SNTB1: variants seen among roughly 807,000 people sequenced by gnomAD.
The protein encoded by SNTB1 is syntrophin beta 1, also known as beta-1-syntrophin.
Under a neutral mutation model 48.9 loss-of-function variants are expected in SNTB1, and 36 were observed. The observed-to-expected ratio is 0.74, with a 90% CI of 0.56 to 0.97. The LOEUF (loss-of-function observed/expected upper bound fraction) is 0.97. Ranked by LOEUF, SNTB1 falls within the 50% of genes least tolerant of loss-of-function variation. The pLI is 0.00. For missense variants in SNTB1, 786 were observed against 703.4 expected, an observed-to-expected ratio of 1.12 and a Z score of -1.33; for synonymous variants, 299 against 294.6, an observed-to-expected ratio of 1.01 and a Z score of -0.15.
intron 2 of SNTB1, chr8:120,636,083 T>A (rs375632477): frequency 7.9e-5 from 40 of 507,616 alleles, no homozygotes; most frequent in African/African-American, 7.7e-4. Flanking sequence ...AGGAATTTAT[T>A]TCTTATAGTT....
chr8:120,680,566 C>A (rs180894142), intron 2 of SNTB1, among the ~76,000 whole-genome samples: 8 of 152,266 alleles, frequency 5.3e-5, no homozygotes, highest in Admixed American at 5.2e-4. Flanking sequence ...ATCCAAATTT[C>A]ACATGTGTCA....
At chr8:120,556,021 G>C (rs1302096162) in intron 4 of SNTB1, among the ~76,000 whole-genome samples, 1 of 152,166 alleles carries the variant, frequency 6.6e-6, no homozygotes, top group Non-Finnish European at 1.5e-5. Context: ...CCCAGTCTGT[G>C]GTATTTTGTT....
chr8:120,680,156 G>GA (rs1817906022), intron 2 of SNTB1, among the ~76,000 whole-genome samples: 1 of 152,128 alleles, frequency 6.6e-6, no homozygotes, highest in African/African-American at 2.4e-5. Context: ...CAGAACTTTG[G>GA]ATGCAGTGTC....
At position 120,541,998 on chromosome 8, in the gene SNTB1, A is replaced by C. The variant is rs987946871; in HGVS notation, c.1336T>G (p.Cys446Gly). The change falls in exon 6 of 7, where the codon TGC becomes GGC. Residue 446 changes from cysteine (C) to glycine (G), a missense_variant and splice_region_variant. Coordinates refer to ENST00000517992, the MANE Select transcript of SNTB1 (RefSeq NM_021021.4). ...CGGCACTCCTGGTTTTTGTAGGTGC[A>C]AGCTGAGAGAGAAAGAGAGAGAAAA... ...AELIAEISTA[C>G]TYKNQECRLT... 6.2e-7 allele frequency: 1 copy of C among 1,612,514 alleles called. No individual in the cohort carries two copies. The highest frequency in any genetic ancestry group is 2.2e-5 in the East Asian group (1 of 44,824).
chr8:120,686,660 ATTTAC>A (rs1818039650), intron 2 of SNTB1, among the ~76,000 whole-genome samples: 1 of 152,166 alleles, frequency 6.6e-6, no homozygotes, highest in Non-Finnish European at 1.5e-5. Flanking sequence ...AGATTGGATA[ATTTAC>A]TTAAAGTTAA....
Position 120,538,716 on chromosome 8 carries a change from A to T in SNTB1, c.*161T>A, listed in dbSNP as rs1482057779. 2.8e-6 allele frequency: 2 copies of T among 709,548 alleles called. No individual in the cohort carries two copies. Among genetic ancestry groups the T allele is most frequent in the South Asian group, 2.9e-5 (2 of 67,830 alleles). The allele number at this position is 709,548 out of a possible 1,614,324, so 44.0% of individuals were successfully genotyped here. A position where few individuals can be genotyped will look rare whatever the true frequency, so the allele number is the denominator to read the frequency against. Reference sequence around the variant, plus strand: ...CAGGGTATCCCTTGTAGTTGCTGAAACTGACAGAGGAGTCTGGGACAGTTA... The same window carrying T: ...CAGGGTATCCCTTGTAGTTGCTGAATCTGACAGAGGAGTCTGGGACAGTTA... On this transcript the variant is annotated 3_prime_UTR_variant, in exon 7 of 7. Transcript: ENST00000517992.
chr8:120,707,874 G>A (rs1587104674), intron 1 of SNTB1, among the ~76,000 whole-genome samples: 1 of 151,992 alleles, frequency 6.6e-6, no homozygotes, highest in Non-Finnish European at 1.5e-5. Context: ...TACTGATGCT[G>A]GGAAAATCTA....
Position 120,538,810 on chromosome 8 carries a change from T to G in SNTB1, c.*67A>C. The G allele has an allele frequency of 7.9e-7, 1 of 1,257,988 alleles. No individual in the cohort carries two copies. The highest frequency in any genetic ancestry group is 1.5e-5 in the African/African-American group (1 of 68,144). 77.9% of individuals were successfully genotyped at this position (1,257,988 alleles called of 1,614,324 possible). A position where few individuals can be genotyped will look rare whatever the true frequency, so the allele number is the denominator to read the frequency against. ...CTGGTGCGCTGCTCACTACAGATGG[T>G]GTCTGACATCACGTTCTCTGGTGGC... On this transcript the variant is annotated 3_prime_UTR_variant, in exon 7 of 7. Transcript: ENST00000517992.
At chr8:120,561,691 A>G (rs2130668552) in intron 4 of SNTB1, among the ~76,000 whole-genome samples, 1 of 152,340 alleles carries the variant, frequency 6.6e-6, no homozygotes, top group East Asian at 1.9e-4. Flanking sequence ...GTCTCCATGT[A>G]TGGTAATGAC....
intron 2 of SNTB1, among the ~76,000 whole-genome samples, chr8:120,682,376 G>A (rs540154132): frequency 6.6e-6 from 1 of 151,120 alleles, no homozygotes; most frequent in Non-Finnish European, 1.5e-5. Context: ...GGTCTGTTAT[G>A]AGTGCCACCA....
intron 1 of SNTB1, among the ~76,000 whole-genome samples, chr8:120,705,628 G>C (rs2129902847): frequency 6.6e-6 from 1 of 152,276 alleles, no homozygotes; most frequent in African/African-American, 2.4e-5. Context: ...TTGTGGAAGA[G>C]TAGATTGTTT....
chr8:120,766,482 T>C (rs1226855429), intron 1 of SNTB1, among the ~76,000 whole-genome samples: 1 of 152,192 alleles, frequency 6.6e-6, no homozygotes, highest in East Asian at 1.9e-4. Context: ...ACATTTATAA[T>C]CACCCACTCT....
At chr8:120,809,081 T>G (rs1011232130) in intron 1 of SNTB1, among the ~76,000 whole-genome samples, 15 of 152,206 alleles carry the variant, frequency 9.9e-5, no homozygotes, top group Non-Finnish European at 1.6e-4. Context: ...GTGATCCTAA[T>G]AAGCCCCCTC....
chr8:120,618,678 G>A (rs572440963), intron 3 of SNTB1, among the ~76,000 whole-genome samples: 1 of 152,192 alleles, frequency 6.6e-6, no homozygotes, highest in South Asian at 2.1e-4. Flanking sequence ...TAAAAGATGA[G>A]GGATAAATAA....
chr8:120,652,380 T>C (rs539841814), intron 2 of SNTB1, among the ~76,000 whole-genome samples: 2 of 152,292 alleles, frequency 1.3e-5, no homozygotes, highest in East Asian at 1.9e-4. Context: ...TAGAAAGTGA[T>C]AGAGAGTAAA....
chr8:120,564,139 A>T (rs1317339700), intron 4 of SNTB1, among the ~76,000 whole-genome samples: 4 of 151,980 alleles, frequency 2.6e-5, no homozygotes, highest in Non-Finnish European at 5.9e-5. Flanking sequence ...AATTATGTAC[A>T]TAGGTCATTG....
intron 1 of SNTB1, among the ~76,000 whole-genome samples, chr8:120,746,641 T>G (rs911762184): frequency 2.6e-5 from 4 of 152,204 alleles, no homozygotes; most frequent in African/African-American, 9.6e-5. Context: ...TTTTTCTAAA[T>G]AAAAGTTACA....
intron 1 of SNTB1, among the ~76,000 whole-genome samples, chr8:120,732,822 C>G (rs1447681897): frequency 1.3e-5 from 2 of 152,142 alleles, no homozygotes; most frequent in East Asian, 1.9e-4. Flanking sequence ...TCCAGCCCAG[C>G]CTGGGTGACA....
intron 1 of SNTB1, among the ~76,000 whole-genome samples, chr8:120,761,880 A>G (rs1819426828): frequency 6.6e-6 from 1 of 152,254 alleles, no homozygotes; most frequent in Non-Finnish European, 1.5e-5. Context: ...ATAGTAACTC[A>G]GACTAAGATG....
Sources: allele counts gnomAD v4.1 joint callset (sites outside exome capture counted in the v4.1 genomes callset), GRCh38; gene constraint gnomAD v4.1.1; transcripts MANE v1.5; gene names NCBI Gene and HGNC (gene_info 2026-07-23, HGNC 2026-07-21).